The following GPC6 variants were observed in gnomAD, a reference collection of about 807,000 sequenced individuals.
GPC6 encodes glypican 6.
GPC6 carries 14 observed loss-of-function variants against 55.2 expected under a neutral mutation model. The ratio of observed to expected loss-of-function variants is 0.25; its 90% CI spans 0.17 to 0.40. The LOEUF (loss-of-function observed/expected upper bound fraction) is 0.40. GPC6 is among the 10% of genes least tolerant of loss of function. GPC6 has a pLI of 1.00. For synonymous variants in GPC6, 278 were observed against 259.6 expected (o/e 1.07, Z -0.68); for missense variants, 641 against 708.5 (o/e 0.90, Z 1.08).
chr13:93,360,681 T>C (rs1454947240), intron 1 of GPC6, among the ~76,000 whole-genome samples: 2 of 152,212 alleles, frequency 1.3e-5, no homozygotes, highest in Non-Finnish European at 2.9e-5. Flanking sequence ...GTAGTGATGG[T>C]TGGAGTGGGA....
chr13:94,119,105 A>T (rs1593952232), intron 4 of GPC6, among the ~76,000 whole-genome samples: 1 of 151,968 alleles, frequency 6.6e-6, no homozygotes, highest in East Asian at 1.9e-4. Context: ...ATAAAATCAG[A>T]ATTCTTGTTA....
chr13:93,333,524 C>A (rs887445768), intron 1 of GPC6, among the ~76,000 whole-genome samples: 1 of 143,420 alleles, frequency 7.0e-6, no homozygotes, highest in Non-Finnish European at 1.5e-5. Flanking sequence ...TATAAAAATG[C>A]TATTGAATTT....
chr13:94,199,622 G>T (rs1360861277), intron 4 of GPC6, among the ~76,000 whole-genome samples: 2 of 152,170 alleles, frequency 1.3e-5, no homozygotes, highest in African/African-American at 4.8e-5. Flanking sequence ...GTCAAACAGG[G>T]ATGACTTTTT....
intron 4 of GPC6, among the ~76,000 whole-genome samples, chr13:94,053,504 A>G (rs1884026652): frequency 6.6e-6 from 1 of 152,140 alleles, no homozygotes; most frequent in South Asian, 2.1e-4. Flanking sequence ...TAAATTCACA[A>G]TAGAGTGTGA....
intron 1 of GPC6, among the ~76,000 whole-genome samples, chr13:93,373,621 T>C (rs1436986176): frequency 6.6e-6 from 1 of 152,144 alleles, no homozygotes; most frequent in Non-Finnish European, 1.5e-5. Flanking sequence ...GGTGATACTC[T>C]GTAAAGCAAA....
At chr13:93,319,964 CA>C (rs1879377777) in intron 1 of GPC6, among the ~76,000 whole-genome samples, 1 of 152,028 alleles carries the variant, frequency 6.6e-6, no homozygotes, top group Non-Finnish European at 1.5e-5. Context: ...CTCTAGGGAA[CA>C]ACAAACCCAA....
chr13:94,057,699 G>T (rs954433770), intron 4 of GPC6, among the ~76,000 whole-genome samples: 1 of 152,128 alleles, frequency 6.6e-6, no homozygotes, highest in Non-Finnish European at 1.5e-5. Flanking sequence ...TACTGAGGGG[G>T]TTTAAATAAG....
intron 1 of GPC6, among the ~76,000 whole-genome samples, chr13:93,280,242 A>G (rs1445142662): frequency 6.6e-6 from 1 of 152,148 alleles, no homozygotes; most frequent in East Asian, 1.9e-4. Flanking sequence ...TCTGATGCCA[A>G]GAACAGTGAT....
chr13:93,658,120 A>G (rs1280424787), intron 2 of GPC6, among the ~76,000 whole-genome samples: 2 of 152,004 alleles, frequency 1.3e-5, no homozygotes, highest in African/African-American at 2.4e-5. Flanking sequence ...ATGAGTTTTG[A>G]TAAATATAAT....
At chr13:93,226,468 T>C (rs1423267200), upstream of GPC6, 3 of 152,218 alleles carry the variant, frequency 2.0e-5, no homozygotes, top group African/African-American at 7.2e-5. Flanking sequence ...CTGCCACCCA[T>C]GAACTCCCGT....
At chr13:93,228,002 G>A (rs938771483) in intron 1 of GPC6, among the ~76,000 whole-genome samples, 2 of 152,176 alleles carry the variant, frequency 1.3e-5, no homozygotes, top group African/African-American at 4.8e-5. Context: ...GGCAAACTTG[G>A]AAGAACTGCG....
At chr13:94,108,884 A>G (rs1460642014) in intron 4 of GPC6, among the ~76,000 whole-genome samples, 2 of 152,122 alleles carry the variant, frequency 1.3e-5, no homozygotes, top group East Asian at 3.9e-4. Context: ...AATAATTTAA[A>G]AGATTCATAT....
intron 1 of GPC6, among the ~76,000 whole-genome samples, chr13:93,231,380 C>CGTATATATATATATAT (rs1425340599): frequency 3.2e-5 from 1 of 30,940 alleles, no homozygotes; most frequent in African/African-American, 1.3e-4. Context: ...TATATATATA[C>CGTATATATATATATAT]ATATATATAT....
At chr13:93,769,461 A>G (rs1242981261) in intron 2 of GPC6, among the ~76,000 whole-genome samples, 2 of 151,830 alleles carry the variant, frequency 1.3e-5, no homozygotes, top group Non-Finnish European at 2.9e-5. Context: ...CAGCCCCAAA[A>G]AGCAGCAGGG....
chr13:93,522,728 C>T (rs1368977796), intron 1 of GPC6, among the ~76,000 whole-genome samples: 3 of 151,868 alleles, frequency 2.0e-5, no homozygotes, highest in African/African-American at 4.8e-5. Context: ...GATTCCTTCC[C>T]GCTGCTCTGC....
chr13:94,274,950 C>T (rs1379104203), intron 4 of GPC6, among the ~76,000 whole-genome samples: 9 of 152,060 alleles, frequency 5.9e-5, no homozygotes, highest in African/African-American at 1.2e-4. Context: ...TCCTGTAGAC[C>T]AGTGCTAATA....
chr13:93,300,949 G>A (rs1321886176), intron 1 of GPC6, among the ~76,000 whole-genome samples: 1 of 151,994 alleles, frequency 6.6e-6, no homozygotes, highest in Non-Finnish European at 1.5e-5. Context: ...AACCCGGGAG[G>A]CAGAGGTTGC....
intron 2 of GPC6, among the ~76,000 whole-genome samples, chr13:93,565,317 T>C (rs1186901617): frequency 6.6e-6 from 1 of 152,176 alleles, no homozygotes; most frequent in Non-Finnish European, 1.5e-5. Flanking sequence ...ATTGGGGAAA[T>C]GAAAAGCGTG....
intron 6 of GPC6, among the ~76,000 whole-genome samples, chr13:94,309,956 T>A (rs1251848959): frequency 6.6e-6 from 1 of 152,240 alleles, no homozygotes; most frequent in Non-Finnish European, 1.5e-5. Flanking sequence ...CTTAAATGTG[T>A]ACTCTGCAAA....
Sources: allele counts gnomAD v4.1 joint callset (sites outside exome capture counted in the v4.1 genomes callset), GRCh38; gene constraint gnomAD v4.1.1; transcripts MANE v1.5; gene names NCBI Gene and HGNC (gene_info 2026-07-23, HGNC 2026-07-21).